MNT: variants seen among roughly 807,000 people sequenced by gnomAD.
MNT encodes the protein max-binding protein MNT.
In MNT, 13 loss-of-function variants were observed where a neutral mutation model predicts 40.7. The ratio of observed to expected loss-of-function variants is 0.32; its 90% confidence interval spans 0.21 to 0.51. MNT has a LOEUF of 0.51. Ranked by LOEUF, MNT falls within the 20% of genes least tolerant of loss-of-function variation. The pLI is 0.98. For synonymous variants in MNT, 426 were observed against 354.8 expected (o/e 1.20, Z -2.26); for missense variants, 757 against 792.0 (o/e 0.96, Z 0.53).
chr17:2,388,169 C>A, intron 4 of MNT, 120 bp from the exon 5 acceptor site: 1 of 951,928 alleles, frequency 1.1e-6, no homozygotes, highest in East Asian at 2.7e-5. Context: ...ACCAGCGGGC[C>A]CAGCCTGACG....
In MNT at chr17:2,400,726, G is replaced by A; in HGVS notation, c.-14C>T. On this transcript the variant is annotated 5_prime_UTR_variant, in exon 1 of 6. Coordinates refer to ENST00000174618, the MANE Select transcript of MNT (RefSeq NM_020310.3). ...CTCTATGCTCATCGCGCCGAGAGCTGCCGGGGGCGCGCCGGGGCCGAGGCT... is the reference window on the plus strand; with the variant it reads ...CTCTATGCTCATCGCGCCGAGAGCTACCGGGGGCGCGCCGGGGCCGAGGCT... The A allele has an allele frequency of 6.5e-7, 1 of 1,538,894 alleles. No homozygotes were observed. The highest frequency in any genetic ancestry group is 8.7e-7 in the Non-Finnish European group (1 of 1,149,510).
At chr17:2,393,794 G>T (rs2066547628) in intron 4 of MNT, 2 of 200,746 alleles carry the variant, frequency 1.0e-5, no homozygotes, top group East Asian at 2.5e-4. Context: ...CGGCCCCGGG[G>T]ACGCCGAGGC....
chr17:2,387,599 C>A lies in MNT; in HGVS notation c.1051G>T (p.Gly351Cys). The change falls in exon 6 of 6, where the codon GGC becomes TGC. Residue 351 changes from glycine (G) to cysteine (C), a missense_variant. Gly to Cys is a radical substitution (Grantham distance 159, BLOSUM62 -3). Around this residue, in one of 4 missense-constraint regions of MNT, gnomAD observed 345 missense variants for 380.1 expected, o/e 0.91. Coordinates refer to ENST00000174618, the MANE Select transcript of MNT (RefSeq NM_020310.3). ...EDMEEDRAGL[G>C]PPKLSHRPQP... ...GGACGATGGCTCAGCTTAGGTGGGCCCAGGCCCGCCCGGTCCTCCTCCATA... is the reference window on the plus strand; with the variant it reads ...GGACGATGGCTCAGCTTAGGTGGGCACAGGCCCGCCCGGTCCTCCTCCATA... 6.2e-7 allele frequency: 1 copy of A among 1,614,048 alleles called. No homozygotes were observed. Among genetic ancestry groups the A allele is most frequent in the Non-Finnish European group, 8.5e-7 (1 of 1,179,976 alleles).
In MNT at chr17:2,394,166, G is replaced by A. The variant is rs373273565; in HGVS notation, c.696-12C>T. ...TCAGATGGGCCCTCCTGAAGAGAGGGGCGAGCGCCGGTCAGCGGTGCCTGG... is the reference window on the plus strand; with the variant it reads ...TCAGATGGGCCCTCCTGAAGAGAGGAGCGAGCGCCGGTCAGCGGTGCCTGG... On this transcript the variant is annotated splice_polypyrimidine_tract_variant and intron_variant, in intron 3 of 5. Transcript: ENST00000174618. The A allele has an allele frequency of 1.2e-6, 2 of 1,607,944 alleles. No homozygotes were observed. Among genetic ancestry groups the A allele is most frequent in the African/African-American group, 1.4e-5 (1 of 74,018 alleles).
chr17:2,394,849 G>A (rs888532786), intron 2 of MNT, 26 bp downstream of exon 2: 8 of 1,528,526 alleles, frequency 5.2e-6, no homozygotes, highest in Admixed American at 2.0e-5. Flanking sequence ...TCCCCCACCA[G>A]CCCGACCCCG....
Position 2,386,804 on chromosome 17 carries a change from C to A in MNT, c.*97G>T. ...GCCTGGGGGTGGGTGGGGGGGCTGG[C>A]CTGGGCCTGGCTGGAATGTGTGGAG... On this transcript the variant is annotated 3_prime_UTR_variant, in exon 6 of 6. Transcript: ENST00000174618. 7.5e-7 allele frequency: 1 copy of A among 1,328,076 alleles called. No homozygotes were observed. The highest frequency in any genetic ancestry group is 1.0e-6 in the Non-Finnish European group (1 of 1,003,806). The allele number at this position is 1,328,076 out of a possible 1,614,324, so 82.3% of individuals were successfully genotyped here. A position where few individuals can be genotyped will look rare whatever the true frequency, so the allele number is the denominator to read the frequency against.
In MNT at chr17:2,387,578, G is replaced by A. The variant is rs763804209; in HGVS notation, c.1072C>T (p.Arg358Cys). Reference sequence around the variant, plus strand: ...GACTTCAGCAGCTCCGGCTGGGGACGATGGCTCAGCTTAGGTGGGCCCAGG... The same window carrying A: ...GACTTCAGCAGCTCCGGCTGGGGACAATGGCTCAGCTTAGGTGGGCCCAGG... ...AGLGPPKLSH[R>C]PQPELLKSTL... The change falls in exon 6 of 6, where the codon CGT becomes TGT. Residue 358 changes from arginine to cysteine, a missense_variant. Arg to Cys is a radical substitution (Grantham distance 180). Around this residue, in one of 4 missense-constraint regions of MNT, gnomAD observed 345 missense variants for 380.1 expected, o/e 0.91. Transcript: ENST00000174618. The A allele has an allele frequency of 8.1e-6, 13 of 1,613,954 alleles. No individual in the cohort carries two copies. The Admixed American group carries it at 1.5e-4, about 19-fold the overall frequency.
At position 2,386,861 on chromosome 17, in the gene MNT, C is replaced by T. The variant is rs1275014756; in HGVS notation, c.*40G>A. On this transcript the variant is annotated 3_prime_UTR_variant, in exon 6 of 6. Coordinates refer to ENST00000174618, the MANE Select transcript of MNT (RefSeq NM_020310.3). ...GGTGAGAGAGTGGGGGACAGGTCCC[C>T]CTCCCTGTCCCCACTGGGGGCCTCT... is the stretch of plus-strand genomic sequence containing the variant. The T allele has an allele frequency of 1.4e-5, 20 of 1,442,260 alleles. No homozygotes were observed. Among genetic ancestry groups the T allele is most frequent in the Non-Finnish European group, 1.8e-5 (20 of 1,094,182 alleles). The allele number at this position is 1,442,260 out of a possible 1,614,324, so 89.3% of individuals were successfully genotyped here. A position where few individuals can be genotyped will look rare whatever the true frequency, so the allele number is the denominator to read the frequency against.
intron 3 of MNT, 37 bp from the exon 4 acceptor site, chr17:2,394,191 G>A (rs773125892): frequency 6.9e-6 from 11 of 1,604,024 alleles, no homozygotes; most frequent in Non-Finnish European, 1.7e-6. Flanking sequence ...GCGGTGCCTG[G>A]GGCGGGGCTG....
At chr17:2,390,470 G>A (rs970162543) in intron 4 of MNT, 1 of 152,300 alleles carries the variant, frequency 6.6e-6, no homozygotes, top group African/African-American at 2.4e-5. Context: ...CACAGAAGCA[G>A]AAGCCCTCCT....
At chr17:2,390,547 G>A (rs1373153850) in intron 4 of MNT, 1 of 152,198 alleles carries the variant, frequency 6.6e-6, no homozygotes, top group Non-Finnish European at 1.5e-5. Flanking sequence ...AATGCCTGAT[G>A]ATGGGAGATG....
rs374112297 is a variant in MNT, at chr17:2,395,405, C to T, written c.123G>A (p.Lys41=). The T allele has an allele frequency of 1.2e-4, 187 of 1,613,516 alleles. No homozygotes were observed. Among genetic ancestry groups the T allele is most frequent in the Non-Finnish European group, 1.5e-4 (175 of 1,179,930 alleles). The change falls in exon 2 of 6, where the codon AAG becomes AAA. Residue 41 remains lysine (K), a synonymous_variant. Transcript: ENST00000174618. ...CCAGCCTGGCCAGGCTATTGGCCTT[C>T]TTCTGTTCCTGCTCTCGCTCCTGCT... The part of the protein sequence containing the change: ...RLEQEREQEQ[K]KANSLARLAH...
intron 4 of MNT, among the ~76,000 whole-genome samples, chr17:2,389,023 G>A (rs1000234548): frequency 6.6e-6 from 1 of 151,844 alleles, no homozygotes; most frequent in Admixed American, 6.6e-5. Flanking sequence ...TCACCAGCCC[G>A]CCTTGGTTTT....
intron 4 of MNT, 83 bp downstream of exon 4, chr17:2,393,960 G>A (rs1410520566): frequency 4.5e-5 from 42 of 927,998 alleles, no homozygotes; most frequent in Non-Finnish European, 6.2e-5. Flanking sequence ...CGGGGCGTGA[G>A]GGCGGGGCGG....
In MNT at chr17:2,384,603, T is replaced by TGCGTGC. The variant is rs1567862310; in HGVS notation, c.*2297_*2298insGCACGC. On this transcript the variant is annotated 3_prime_UTR_variant, in exon 6 of 6. Transcript: ENST00000174618. ...AGATGTGTGCGTGTGCGTGCGTGTGTGTGTGTGTGTGTGTGTGTGTGTGTC... is the reference window on the plus strand; with the variant it reads ...AGATGTGTGCGTGTGCGTGCGTGTGTGCGTGCGTGTGTGTGTGTGTGTGTGTGTGTC... 4 of 150,318 alleles carry TGCGTGC rather than the reference T, an allele frequency of 2.7e-5. No individual in the cohort carries two copies. The highest frequency in any genetic ancestry group is 5.9e-5 in the Non-Finnish European group (4 of 67,266). The allele number at this position is 150,318 out of a possible 1,614,324, so 9.3% of individuals were successfully genotyped here. A position where few individuals can be genotyped will look rare whatever the true frequency, so the allele number is the denominator to read the frequency against.
intron 4 of MNT, 177 bp from the exon 5 acceptor site, chr17:2,388,226 T>C: frequency 3.4e-6 from 2 of 594,238 alleles, no homozygotes; most frequent in Non-Finnish European, 5.8e-6. Flanking sequence ...CCCTGCCCAG[T>C]GAGGCCCAGC....
rs769468563 is a variant in MNT at position 2,395,205 on chromosome 17, G to A, written c.323C>T (p.Pro108Leu). ...PQPLPPPPPL[P>L]AAAQPLPLAP... ...CAGGGGCAGAGGCTGGGCTGCCGCGGGCAAGGGTGGGGGTGGGGGTAGAGG... is the reference window on the plus strand; with the variant it reads ...CAGGGGCAGAGGCTGGGCTGCCGCGAGCAAGGGTGGGGGTGGGGGTAGAGG... Residue 108 changes from proline (P) to leucine (L), a missense_variant, in exon 2 of 6, where the codon CCC becomes CTC. Pro to Leu is a moderately conservative substitution (Grantham distance 98). Coordinates refer to ENST00000174618, the MANE Select transcript of MNT (RefSeq NM_020310.3). 1.6e-5 allele frequency: 23 copies of A among 1,468,184 alleles called. No homozygotes were observed. The highest frequency in any genetic ancestry group is 1.8e-6 in the Non-Finnish European group (2 of 1,113,554). 90.9% of individuals were successfully genotyped at this position (1,468,184 alleles called of 1,614,324 possible).
In MNT at chr17:2,387,373, G is replaced by A. The variant is rs1270379357; in HGVS notation, c.1277C>T (p.Ala426Val). 13 of 1,612,134 alleles carry A rather than the reference G, an allele frequency of 8.1e-6. No homozygotes were observed. Among genetic ancestry groups the A allele is most frequent in the Non-Finnish European group, 1.1e-5 (13 of 1,179,358 alleles). Residue 426 changes from alanine (A) to valine (V), a missense_variant, in exon 6 of 6, where the codon GCT (alanine) becomes GTT (valine). By Grantham distance (64) the Ala-to-Val change is moderately conservative. This residue lies in a region of MNT where 345 missense variants were observed against 380.1 expected (regional missense o/e 0.91). Coordinates refer to ENST00000174618, the MANE Select transcript of MNT (RefSeq NM_020310.3). Reference sequence around the variant, plus strand: ...AGCCGTCGCCACCAGATGGGCTGGAGCTGGCACCAGTGTCTGGGCAGGGGC... The same window carrying A: ...AGCCGTCGCCACCAGATGGGCTGGAACTGGCACCAGTGTCTGGGCAGGGGC... ...PAAPAQTLVPAPAHLVATAGG... is the reference protein window; with the variant it reads ...PAAPAQTLVPVPAHLVATAGG...
intron 3 of MNT, 28 bp downstream of exon 3, chr17:2,394,277 G>GCACACGCACACACA (rs1555611877): frequency 1.3e-6 from 2 of 1,489,246 alleles, no homozygotes; most frequent in Middle Eastern, 2.1e-4. Context: ...ACGCACGCAC[G>GCACACGCACACACA]CACACACACA....
Sources: gnomAD v4.1 joint callset for allele counts (sites outside exome capture counted in the v4.1 genomes callset) on GRCh38, gnomAD v4.1.1 for gene constraint, gnomAD v4.1.1 regional missense constraint, MANE v1.5 for transcripts, NCBI Gene and HGNC (gene_info 2026-07-23, HGNC 2026-07-21) for gene names.